DYNC2H1: variants seen among roughly 807,000 people sequenced by gnomAD.
DYNC2H1 encodes cytoplasmic dynein 2 heavy chain 1.
In DYNC2H1, 410 loss-of-function variants were observed where a neutral mutation model predicts 570.0. That is an observed-to-expected ratio of 0.72 (90% confidence interval 0.66 to 0.78). The LOEUF (loss-of-function observed/expected upper bound fraction) is 0.78. DYNC2H1 is among the 30% of genes least tolerant of loss of function. DYNC2H1 has a pLI of 0.00. For missense variants in DYNC2H1, 4,865 were observed against 5,046.4 expected, an observed-to-expected ratio of 0.96 and a Z score of 1.09; for synonymous variants, 1,688 against 1,677.6, an observed-to-expected ratio of 1.01 and a Z score of -0.15.
At position 103,436,021 on chromosome 11, in the gene DYNC2H1, C is replaced by A. The variant is rs756703930; in HGVS notation, c.12445C>A (p.Leu4149Ile). ...CCTGAGAGGTCTTGTTGCCCGTGCCCTTGCAATACAGGTATGCCTAAATTA... is the reference window on the plus strand; with the variant it reads ...CCTGAGAGGTCTTGTTGCCCGTGCCATTGCAATACAGGTATGCCTAAATTA... ...QYLRGLVARA[L>I]AIQNWVDKAE... Residue 4149 changes from leucine to isoleucine, a missense_variant, in exon 85 of 89, where the codon CTT (leucine) becomes ATT (isoleucine). Physicochemically the swap from Leu to Ile is conservative, Grantham distance 5 (BLOSUM62 2). Around this residue, in one of 5 missense-constraint regions of DYNC2H1, gnomAD observed 2,401 missense variants for 2,454.6 expected, o/e 0.98. Coordinates refer to ENST00000375735, the MANE Select transcript of DYNC2H1 (RefSeq NM_001377.3). 1 of 1,612,344 alleles carries A rather than the reference C, an allele frequency of 6.2e-7. No individual in the cohort carries two copies. The highest frequency in any genetic ancestry group is 1.1e-5 in the South Asian group (1 of 91,006).
At chr11:103,227,767 G>A (rs1863856320) in intron 59 of DYNC2H1, among the ~76,000 whole-genome samples, 1 of 152,136 alleles carries the variant, frequency 6.6e-6, no homozygotes. Context: ...CTTGTCTAGT[G>A]CTGTCAGTGG....
chr11:103,204,325 G>T lies in DYNC2H1; in HGVS notation c.8312-497G>T, dbSNP rs151319207. Among the ~76,000 whole-genome samples the T allele has an allele frequency of 2.2e-4, 33 of 152,168 alleles. No individual in the cohort carries two copies. The East Asian group carries it at 5.6e-3, about 26-fold the overall frequency. On this transcript the variant is annotated intron_variant, in intron 51 of 88. Coordinates refer to ENST00000375735, the MANE Select transcript of DYNC2H1 (RefSeq NM_001377.3). The surrounding 1 kb of genome is among the most constrained non-coding windows in gnomAD (Gnocchi z 4.1). ...AGAGCCAAACCATATCAATACCTTA[G>T]CAAAATTTTAGCAAACAGGAATGAT... is the stretch of plus-strand genomic sequence containing the variant.
At chr11:103,193,522 C>A (rs1473917070) in intron 47 of DYNC2H1, among the ~76,000 whole-genome samples, 4 of 151,638 alleles carry the variant, frequency 2.6e-5, no homozygotes, top group African/African-American at 9.7e-5. Context: ...GAAAGGTTTT[C>A]TTTTTCTTTT....
intron 85 of DYNC2H1, among the ~76,000 whole-genome samples, chr11:103,453,966 A>T (rs1944701207): frequency 6.6e-6 from 1 of 152,058 alleles, no homozygotes; most frequent in African/African-American, 2.4e-5. Flanking sequence ...CAAGAGAAAT[A>T]ATTATGCTTC....
chr11:103,230,375 TTAA>T (rs772937280), intron 59 of DYNC2H1, among the ~76,000 whole-genome samples: 3 of 152,276 alleles, frequency 2.0e-5, no homozygotes, highest in East Asian at 1.9e-4. Context: ...TGGCAACCCC[TTAA>T]TATTTGTGGG....
At chr11:103,288,826 A>G (rs933766454) in intron 75 of DYNC2H1, among the ~76,000 whole-genome samples, 3 of 148,982 alleles carry the variant, frequency 2.0e-5, no homozygotes, top group Admixed American at 1.3e-4. Flanking sequence ...GGTTGCAATG[A>G]GGAGATATCA....
At chr11:103,223,584 A>ATCTC (rs372942365) in intron 59 of DYNC2H1, among the ~76,000 whole-genome samples, 114,697 of 151,416 alleles carry the variant, frequency 0.76, 44,052 homozygotes, top group Admixed American at 0.84. Flanking sequence ...GACTAAAATA[A>ATCTC]CATGTTGGTC....
chr11:103,374,769 G>C (rs577969059), intron 83 of DYNC2H1, among the ~76,000 whole-genome samples: 20 of 152,192 alleles, frequency 1.3e-4, no homozygotes, highest in Non-Finnish European at 2.8e-4. Context: ...TCTGGCAGGA[G>C]AAATTTCTAA....
chr11:103,456,094 T>G (rs1421334226), intron 86 of DYNC2H1, among the ~76,000 whole-genome samples, 181 bp from the exon 87 acceptor site: 2 of 152,156 alleles, frequency 1.3e-5, no homozygotes, highest in Non-Finnish European at 2.9e-5. Flanking sequence ...AAGAGGAGAC[T>G]GACAGTTAGC....
intron 75 of DYNC2H1, chr11:103,287,852 G>T (rs1234084887): frequency 1.6e-5 from 6 of 367,704 alleles, no homozygotes; most frequent in Non-Finnish European, 2.9e-5. Flanking sequence ...TAGCAAGACA[G>T]GAGAATTGCC....
rs1289759960 is a variant in DYNC2H1, at chr11:103,253,408, A to G, written c.10166A>G (p.Glu3389Gly). The G allele has an allele frequency of 1.2e-6, 2 of 1,613,200 alleles. No homozygotes were observed. The highest frequency in any genetic ancestry group is 2.2e-5 in the South Asian group (2 of 91,004). ...IPPDAASIVT[E>G]VNFTTTRSGL... ...CCGGATGCAGCTTCCATTGTTACTG[A>G]GGTTAACTTTACTACAACAAGAAGT... The change falls in exon 66 of 89, where the codon GAG becomes GGG. Residue 3389 changes from glutamate to glycine, a missense_variant. Glu to Gly is a moderately conservative substitution (Grantham distance 98). This residue lies in a region of DYNC2H1 where 2,401 missense variants were observed against 2,454.6 expected (regional missense o/e 0.98). Transcript: ENST00000375735.
rs1025886516 is a variant in DYNC2H1 at position 103,189,124 on chromosome 11, A to G, written c.7292+476A>G. Among the ~76,000 whole-genome samples the G allele has an allele frequency of 1.3e-5, 2 of 152,088 alleles. No individual in the cohort carries two copies. Among genetic ancestry groups the G allele is most frequent in the Non-Finnish European group, 2.9e-5 (2 of 67,990 alleles). On this transcript the variant is annotated intron_variant, in intron 44 of 88. Transcript: ENST00000375735. The surrounding 1 kb of genome is among the most constrained non-coding windows in gnomAD (Gnocchi z 4.3). Reference sequence around the variant, plus strand: ...GGCAATATCTCCTCTGTTTATATTTAATATACATTATATTACATTACAAAT... The same window carrying G: ...GGCAATATCTCCTCTGTTTATATTTGATATACATTATATTACATTACAAAT...
chr11:103,241,552 G>A lies in DYNC2H1; in HGVS notation c.9820-2141G>A, dbSNP rs1864422678. ...ATCATTGGTTTGAAATCATGGGTAA[G>A]AACTTTTTAAAAATTTAAAATAATT... On this transcript the variant is annotated intron_variant, in intron 63 of 88. Coordinates refer to ENST00000375735, the MANE Select transcript of DYNC2H1 (RefSeq NM_001377.3). The surrounding 1 kb of genome is among the most constrained non-coding windows in gnomAD (Gnocchi z 5.1). 6.3e-7 allele frequency: 1 copy of A among 1,582,224 alleles called. No individual in the cohort carries two copies.
At chr11:103,445,464 G>GA (rs1270724995) in intron 85 of DYNC2H1, among the ~76,000 whole-genome samples, 2 of 152,064 alleles carry the variant, frequency 1.3e-5, no homozygotes, top group African/African-American at 2.4e-5. Flanking sequence ...ACTTGCTTCG[G>GA]AAAAAAAGAG....
chr11:103,356,253 AACAG>A (rs1235297132), intron 82 of DYNC2H1, among the ~76,000 whole-genome samples: 13 of 152,334 alleles, frequency 8.5e-5, no homozygotes, highest in African/African-American at 2.2e-4. Context: ...ATTTTATAAA[AACAG>A]ACAGTTCATT....
intron 6 of DYNC2H1, among the ~76,000 whole-genome samples, chr11:103,118,340 T>C (rs1858521349): frequency 6.6e-6 from 1 of 151,988 alleles, no homozygotes; most frequent in Admixed American, 6.5e-5. Context: ...ACTATAGTTC[T>C]TTATTAGAGA....
intron 59 of DYNC2H1, among the ~76,000 whole-genome samples, chr11:103,225,833 G>C (rs1012627541): frequency 6.6e-6 from 1 of 152,102 alleles, no homozygotes. Flanking sequence ...TTTGTAGATT[G>C]CTTTTGGCAG....
intron 57 of DYNC2H1, 120 bp from the exon 58 acceptor site, chr11:103,221,910 C>T: frequency 1.0e-6 from 1 of 985,706 alleles, no homozygotes; most frequent in East Asian, 2.5e-5. Flanking sequence ...GGTTTTAATA[C>T]CATATTTTTG....
At chr11:103,155,197 A>G (rs1591328687) in intron 24 of DYNC2H1, 134 bp from the exon 25 acceptor site, 2 of 852,036 alleles carry the variant, frequency 2.3e-6, no homozygotes, top group Non-Finnish European at 3.4e-6. Context: ...TATGATTTTA[A>G]GATTATTAAA....
Sources: gnomAD v4.1 joint callset for allele counts (sites outside exome capture counted in the v4.1 genomes callset) on GRCh38, gnomAD v4.1.1 for gene constraint, gnomAD v4.1.1 regional missense constraint, Gnocchi (gnomAD v3.1) non-coding constraint, MANE v1.5 for transcripts, NCBI Gene and HGNC (gene_info 2026-07-23, HGNC 2026-07-21) for gene names.